The following ARHGAP24 variants were observed in gnomAD, a reference collection of about 807,000 sequenced individuals.
ARHGAP24 encodes the protein Rho GTPase activating protein 24.
Under a neutral mutation model 76.4 loss-of-function variants are expected in ARHGAP24, and 50 were observed. That is an observed-to-expected ratio of 0.65 (90% CI 0.52 to 0.83). The LOEUF (loss-of-function observed/expected upper bound fraction) is 0.83, where lower values mean the gene tolerates loss of function less well. Among genes scored for constraint, ARHGAP24 ranks in the 40% least tolerant of loss-of-function variants. ARHGAP24 has a pLI of 0.00. For missense variants in ARHGAP24, 930 were observed against 914.2 expected (o/e 1.02, Z -0.22); for synonymous variants, 345 against 323.3 (o/e 1.07, Z -0.72).
At chr4:85,932,435 CTTTTTTT>C (rs5860009) in intron 4 of ARHGAP24, among the ~76,000 whole-genome samples, 1 of 109,092 alleles carries the variant, frequency 9.2e-6, no homozygotes. Flanking sequence ...CTTTAAAGGA[CTTTTTTT>C]TTTTTTTTTT....
intron 2 of ARHGAP24, among the ~76,000 whole-genome samples, chr4:85,582,879 C>T (rs1041436901): frequency 2.0e-5 from 3 of 152,082 alleles, no homozygotes; most frequent in Admixed American, 2.0e-4. Flanking sequence ...TATTTGTTGT[C>T]TTTCCAAGTT....
At chr4:85,714,375 A>G (rs1229478946) in intron 2 of ARHGAP24, among the ~76,000 whole-genome samples, 1 of 152,146 alleles carries the variant, frequency 6.6e-6, no homozygotes, top group Non-Finnish European at 1.5e-5. Context: ...TGTAATATTA[A>G]ATAATATAAT....
intron 3 of ARHGAP24, among the ~76,000 whole-genome samples, chr4:85,774,680 A>G (rs1042101784): frequency 6.6e-6 from 1 of 152,216 alleles, no homozygotes; most frequent in East Asian, 1.9e-4. Context: ...GAAAGGTTAC[A>G]GGTATCTTAT....
intron 3 of ARHGAP24, among the ~76,000 whole-genome samples, chr4:85,894,099 T>TTA (rs71936795): frequency 7.6e-6 from 1 of 131,352 alleles, no homozygotes; most frequent in Non-Finnish European, 1.6e-5. Context: ...TAGAGTATAA[T>TTA]AAAAAAAAAA....
At chr4:85,866,867 T>C (rs1294364440) in intron 3 of ARHGAP24, among the ~76,000 whole-genome samples, 1 of 152,104 alleles carries the variant, frequency 6.6e-6, no homozygotes, top group Admixed American at 6.6e-5. Flanking sequence ...GTTGGCTGCA[T>C]CCTGGAAGAT....
chr4:85,923,547 G>T (rs752288714), intron 3 of ARHGAP24, 101 bp from the exon 4 acceptor site: 1 of 1,511,400 alleles, frequency 6.6e-7, no homozygotes, highest in Non-Finnish European at 9.1e-7. Flanking sequence ...CTTAGTGCGG[G>T]CTGTATTAGG....
chr4:85,661,345 C>T (rs373422784), intron 2 of ARHGAP24, among the ~76,000 whole-genome samples: 1 of 152,148 alleles, frequency 6.6e-6, no homozygotes, highest in African/African-American at 2.4e-5. Context: ...TTATCTTTTT[C>T]TCTGAGTGGT....
intron 2 of ARHGAP24, among the ~76,000 whole-genome samples, chr4:85,637,397 T>A (rs1369230382): frequency 1.3e-5 from 2 of 152,096 alleles, no homozygotes; most frequent in African/African-American, 2.4e-5. Flanking sequence ...ATAGGTGTTT[T>A]AGGTTAATTG....
At chr4:85,681,162 A>T (rs745846812) in intron 2 of ARHGAP24, among the ~76,000 whole-genome samples, 1 of 152,158 alleles carries the variant, frequency 6.6e-6, no homozygotes, top group Non-Finnish European at 1.5e-5. Context: ...TGCTTTCTGA[A>T]CCTGTCTTTT....
intron 5 of ARHGAP24, among the ~76,000 whole-genome samples, chr4:85,943,800 T>A (rs999488163): frequency 6.6e-6 from 1 of 152,042 alleles, no homozygotes; most frequent in African/African-American, 2.4e-5. Flanking sequence ...CATCCTTTTT[T>A]AAGGCTGCAT....
At chr4:85,570,453 G>T in intron 1 of ARHGAP24, 69 bp from the exon 2 acceptor site, 2 of 1,022,512 alleles carry the variant, frequency 2.0e-6, no homozygotes, top group Non-Finnish European at 2.9e-6. Flanking sequence ...CTGGAGAAGA[G>T]TGGTTTAAAA....
intron 2 of ARHGAP24, chr4:85,570,981 G>A (rs1727117907): frequency 1.7e-5 from 6 of 347,562 alleles, no homozygotes; most frequent in South Asian, 4.7e-5. Context: ...ACTTCCTCTG[G>A]CAAACTTAGT....
chr4:85,767,510 G>T (rs1235595420), intron 3 of ARHGAP24, among the ~76,000 whole-genome samples: 1 of 152,052 alleles, frequency 6.6e-6, no homozygotes, highest in East Asian at 1.9e-4. Context: ...AGGAAGAGGG[G>T]TTGTCTGTAT....
At chr4:85,710,067 C>T (rs950973502) in intron 2 of ARHGAP24, among the ~76,000 whole-genome samples, 2 of 152,082 alleles carry the variant, frequency 1.3e-5, no homozygotes, top group African/African-American at 4.8e-5. Context: ...CAAGGCAGTC[C>T]TAAGCAAAAA....
At chr4:85,620,472 G>A (rs1307480674) in intron 2 of ARHGAP24, among the ~76,000 whole-genome samples, 3 of 151,742 alleles carry the variant, frequency 2.0e-5, no homozygotes, top group Non-Finnish European at 4.4e-5. Flanking sequence ...ATGATCGTTT[G>A]TAGTTTTGTG....
chr4:85,592,432 C>T lies in ARHGAP24; in HGVS notation c.180+21711C>T, dbSNP rs186956687. Among the ~76,000 whole-genome samples the T allele has an allele frequency of 2.3e-4, 35 of 152,280 alleles. No homozygotes were observed. In the East Asian group the frequency reaches 6.5e-3, roughly 28 times the overall value. On this transcript the variant is annotated intron_variant, in intron 2 of 9. Transcript: ENST00000395184. ...AATTCTGGTGTAATAATTACATCAGCTTAAATGGTGTATCCATAACCTCAA... is the reference window on the plus strand; with the variant it reads ...AATTCTGGTGTAATAATTACATCAGTTTAAATGGTGTATCCATAACCTCAA...
chr4:85,779,176 A>C (rs1404358404), intron 3 of ARHGAP24, among the ~76,000 whole-genome samples: 1 of 152,150 alleles, frequency 6.6e-6, no homozygotes, highest in Non-Finnish European at 1.5e-5. Context: ...TGTTTTTAGG[A>C]ACCAGATGAT....
chr4:85,541,811 A>C (rs1022705836), intron 1 of ARHGAP24, among the ~76,000 whole-genome samples: 4 of 152,034 alleles, frequency 2.6e-5, no homozygotes, highest in Non-Finnish European at 5.9e-5. Context: ...ATTATGCAGA[A>C]GAAAACTTCA....
At chr4:85,793,709 G>A (rs926326805) in intron 3 of ARHGAP24, among the ~76,000 whole-genome samples, 3 of 152,118 alleles carry the variant, frequency 2.0e-5, no homozygotes, top group African/African-American at 4.8e-5. Flanking sequence ...ATGTTCTTAT[G>A]TGTACATAGA....
Sources: allele counts gnomAD v4.1 joint callset (sites outside exome capture counted in the v4.1 genomes callset), GRCh38; gene constraint gnomAD v4.1.1; transcripts MANE v1.5; gene names NCBI Gene and HGNC (gene_info 2026-07-23, HGNC 2026-07-21).